The following PDE3B variants were observed in gnomAD, a reference collection of about 807,000 sequenced individuals.
PDE3B encodes phosphodiesterase 3B.
PDE3B carries 66 observed loss-of-function variants against 116.8 expected under a neutral mutation model. The ratio of observed to expected loss-of-function variants is 0.56; its 90% CI spans 0.46 to 0.69. The LOEUF (loss-of-function observed/expected upper bound fraction) is 0.69. Among genes scored for constraint, PDE3B ranks in the 30% least tolerant of loss-of-function variants. PDE3B has a pLI of 0.00. For missense variants in PDE3B, 1,384 were observed against 1,368.1 expected, an observed-to-expected ratio of 1.01 and a Z score of -0.18; for synonymous variants, 595 against 533.6, an observed-to-expected ratio of 1.12 and a Z score of -1.59.
At chr11:14,752,547 A>AC (rs1412149480) in intron 1 of PDE3B, among the ~76,000 whole-genome samples, 2 of 152,114 alleles carry the variant, frequency 1.3e-5, no homozygotes, top group Non-Finnish European at 2.9e-5. Flanking sequence ...GCTCTCTTCT[A>AC]AAGTTCCTCC....
intron 1 of PDE3B, among the ~76,000 whole-genome samples, chr11:14,663,681 A>C (rs1344114143): frequency 6.6e-6 from 1 of 152,200 alleles, no homozygotes; most frequent in Non-Finnish European, 1.5e-5. Context: ...GAAGGCCATT[A>C]CATAAGGGTA....
At chr11:14,711,939 A>G (rs575090403) in intron 1 of PDE3B, among the ~76,000 whole-genome samples, 189 of 152,344 alleles carry the variant, frequency 1.2e-3, no homozygotes, top group African/African-American at 4.4e-3. Flanking sequence ...CTTTAAAATC[A>G]TCCTGCACAC....
chr11:14,893,240 G>T, the PDE3B span, among the ~76,000 whole-genome samples: 1 of 152,206 alleles, frequency 6.6e-6, no homozygotes, highest in Admixed American at 6.5e-5. Context: ...GAAGAGCAAT[G>T]ACATGGAAAT....
intron 1 of PDE3B, among the ~76,000 whole-genome samples, chr11:14,649,308 A>G (rs1315838933): frequency 6.6e-6 from 1 of 152,188 alleles, no homozygotes; most frequent in African/African-American, 2.4e-5. Context: ...ATTTCAGTAT[A>G]AATGTTGGTA....
At chr11:14,676,073 A>G (rs1854523347) in intron 1 of PDE3B, among the ~76,000 whole-genome samples, 1 of 152,148 alleles carries the variant, frequency 6.6e-6, no homozygotes, top group Non-Finnish European at 1.5e-5. Context: ...TTTTAGCCAT[A>G]TAGTACCTGT....
At chr11:14,729,960 G>C (rs1045273649) in intron 1 of PDE3B, among the ~76,000 whole-genome samples, 2 of 152,132 alleles carry the variant, frequency 1.3e-5, no homozygotes, top group African/African-American at 4.8e-5. Context: ...GAATCACTGA[G>C]AGGGTTGTAG....
At chr11:14,798,920 T>C (rs918899647) in intron 4 of PDE3B, among the ~76,000 whole-genome samples, 4 of 152,226 alleles carry the variant, frequency 2.6e-5, no homozygotes, top group Non-Finnish European at 5.9e-5. Flanking sequence ...GTTTTTCGTG[T>C]CTCTATCTCC....
Position 14,869,908 on chromosome 11 carries a change from C to G in PDE3B, c.*248C>G, listed in dbSNP as rs1848115503. ...GTTGACCCATGTTGCAGAGCCCTTACTTAAATCCTTCACTGGTGTATGAAT... is the reference window on the plus strand; with the variant it reads ...GTTGACCCATGTTGCAGAGCCCTTAGTTAAATCCTTCACTGGTGTATGAAT... On this transcript the variant is annotated 3_prime_UTR_variant, in exon 16 of 16. Coordinates refer to ENST00000282096, the MANE Select transcript of PDE3B (RefSeq NM_000922.4). 5.7e-6 allele frequency: 2 copies of G among 350,338 alleles called. No individual in the cohort carries two copies. Among genetic ancestry groups the G allele is most frequent in the Non-Finnish European group, 1.0e-5 (2 of 194,472 alleles). The allele number at this position is 350,338 out of a possible 1,614,324, so 21.7% of individuals were successfully genotyped here.
chr11:14,818,498 A>G, intron 6 of PDE3B, 105 bp downstream of exon 6: 1 of 685,098 alleles, frequency 1.5e-6, no homozygotes. Flanking sequence ...AAGCTAAATG[A>G]CCATAGTTTT....
At chr11:14,850,511 G>C (rs567334014) in intron 12 of PDE3B, among the ~76,000 whole-genome samples, 1 of 151,488 alleles carries the variant, frequency 6.6e-6, no homozygotes, top group Admixed American at 6.6e-5. Context: ...AAAAAAAAAA[G>C]ATTTCTGCTC....
At chr11:14,701,076 A>C (rs955846491) in intron 1 of PDE3B, 1 of 151,728 alleles carries the variant, frequency 6.6e-6, no homozygotes, top group East Asian at 1.9e-4. Context: ...ACCAATTTTA[A>C]TATTAATTCT....
intron 4 of PDE3B, among the ~76,000 whole-genome samples, chr11:14,791,779 C>T (rs531592283): frequency 6.6e-6 from 1 of 152,168 alleles, no homozygotes; most frequent in East Asian, 1.9e-4. Flanking sequence ...TTCCAGGCCC[C>T]TCCCCTTCCC....
Position 14,818,194 on chromosome 11 carries a change from A to T in PDE3B, c.1534A>T (p.Ser512Cys). The change falls in exon 6 of 16, where the codon AGT (serine) becomes TGT (cysteine). Residue 512 changes from serine to cysteine, a missense_variant. By Grantham distance (112) the Ser-to-Cys change is moderately radical (BLOSUM62 -1). Around this residue, in one of 2 missense-constraint regions of PDE3B, gnomAD observed 956 missense variants for 806.8 expected, o/e 1.18. Transcript: ENST00000282096. ...TTTAATTTTTAAAGGTGTTTTGTCCAGTCTGAGTCCTGTGAATTCTTCCAA... is the reference window on the plus strand; with the variant it reads ...TTTAATTTTTAAAGGTGTTTTGTCCTGTCTGAGTCCTGTGAATTCTTCCAA... ...VGLRRAGVLS[S>C]LSPVNSSNHG... The T allele has an allele frequency of 1.2e-6, 2 of 1,609,066 alleles. No homozygotes were observed. The highest frequency in any genetic ancestry group is 1.7e-6 in the Non-Finnish European group (2 of 1,175,578).
chr11:14,889,921 G>A, the PDE3B span, among the ~76,000 whole-genome samples: 2 of 152,082 alleles, frequency 1.3e-5, no homozygotes, highest in Non-Finnish European at 2.9e-5. Flanking sequence ...GAGGTCAGGA[G>A]ATCGAGACCA....
chr11:14,718,387 C>G (rs1261674905), intron 1 of PDE3B, among the ~76,000 whole-genome samples: 2 of 139,296 alleles, frequency 1.4e-5, no homozygotes. Flanking sequence ...ACAAGGATAC[C>G]CAGGAATTGA....
At chr11:14,898,484 C>T in the PDE3B span, among the ~76,000 whole-genome samples, 1 of 152,130 alleles carries the variant, frequency 6.6e-6, no homozygotes, top group Non-Finnish European at 1.5e-5. Flanking sequence ...ATAGCGTGAC[C>T]TGATATAGAA....
intron 1 of PDE3B, among the ~76,000 whole-genome samples, chr11:14,706,816 A>G (rs1425748675): frequency 6.6e-6 from 1 of 152,006 alleles, no homozygotes; most frequent in East Asian, 1.9e-4. Context: ...ATACATTTCA[A>G]AATGGCTTTG....
rs139126781 is a variant in PDE3B, at chr11:14,804,106, G to A, written c.1522+56G>A. On this transcript the variant is annotated intron_variant, in intron 5 of 15. Transcript: ENST00000282096. ...GGGGGTTCTCAAAGTATATGGTAGT[G>A]TAAACACTTTTCATCACATATTTAT... The A allele has an allele frequency of 7.5e-5, 67 of 894,212 alleles. No individual in the cohort carries two copies. The East Asian group carries it at 1.5e-3, about 19-fold the overall frequency. 55.4% of individuals were successfully genotyped at this position (894,212 alleles called of 1,614,324 possible).
chr11:14,874,967 C>T (rs1049719354), downstream of PDE3B, among the ~76,000 whole-genome samples: 1 of 152,066 alleles, frequency 6.6e-6, no homozygotes, highest in African/African-American at 2.4e-5. Flanking sequence ...CAAAATCAGA[C>T]GAAATTAGGG....
Sources: gnomAD v4.1 joint callset for allele counts (sites outside exome capture counted in the v4.1 genomes callset) on GRCh38, gnomAD v4.1.1 for gene constraint, gnomAD v4.1.1 regional missense constraint, MANE v1.5 for transcripts, NCBI Gene and HGNC (gene_info 2026-07-23, HGNC 2026-07-21) for gene names.